UCHL5: variants seen among roughly 807,000 people sequenced by gnomAD.
The protein encoded by UCHL5 is ubiquitin C-terminal hydrolase L5, also known as ubiquitin carboxyl-terminal hydrolase isozyme L5.
UCHL5 carries 34 observed loss-of-function variants against 53.8 expected under a neutral mutation model. That is an observed-to-expected ratio of 0.63 (90% confidence interval 0.48 to 0.84). The LOEUF is 0.84. Among genes scored for constraint, UCHL5 ranks in the 40% least tolerant of loss-of-function variants. UCHL5 has a pLI of 0.00. For missense variants in UCHL5, 290 were observed against 385.6 expected (o/e 0.75, Z 2.08); for synonymous variants, 111 against 126.3 (o/e 0.88, Z 0.81).
At chr1:193,059,455 G>C (rs560261095), upstream of UCHL5, 10 of 1,609,584 alleles carry the variant, frequency 6.2e-6, no homozygotes, top group Middle Eastern at 1.7e-4. This position sits in a 1 kb window ranked among gnomAD's most constrained non-coding sequence, Gnocchi z 4.9. Flanking sequence ...AGCCACCCTA[G>C]AGACATCGAA....
intron 3 of UCHL5, among the ~76,000 whole-genome samples, chr1:193,034,920 A>C (rs1440867845): frequency 2.0e-5 from 3 of 151,968 alleles, no homozygotes; most frequent in African/African-American, 7.2e-5. Flanking sequence ...ACTAATTAAT[A>C]ACAGAACATT....
At chr1:193,018,913 T>G in intron 10 of UCHL5, 1 of 960,726 alleles carries the variant, frequency 1.0e-6, no homozygotes. Context: ...CATTAAGTAA[T>G]TAACTATCAC....
chr1:193,018,636 G>C, intron 10 of UCHL5: 1 of 1,253,344 alleles, frequency 8.0e-7, no homozygotes, highest in African/African-American at 1.6e-5. Flanking sequence ...TTATTATTTT[G>C]CAAATAAAAA....
intron 3 of UCHL5, among the ~76,000 whole-genome samples, chr1:193,039,527 C>G (rs114309796): frequency 0.012 from 1,850 of 152,256 alleles, 18 homozygotes; most frequent in South Asian, 0.034. Context: ...GATATTCCAT[C>G]CTCATGAACT....
chr1:193,060,066 A>G, upstream of UCHL5: 1 of 1,314,322 alleles, frequency 7.6e-7, no homozygotes, highest in Non-Finnish European at 1.0e-6. Flanking sequence ...CCACAGGCCG[A>G]CGTCGAGAGG....
intron 3 of UCHL5, among the ~76,000 whole-genome samples, chr1:193,032,852 G>A (rs1022236139): frequency 2.6e-5 from 4 of 152,172 alleles, no homozygotes; most frequent in African/African-American, 7.2e-5. Flanking sequence ...AGTTAGAATG[G>A]CGATCATTAA....
At chr1:193,049,640 G>A (rs966815601) in intron 3 of UCHL5, 106 bp downstream of exon 3, 3 of 751,108 alleles carry the variant, frequency 4.0e-6, no homozygotes, top group Admixed American at 3.1e-5. Context: ...TTTTAAGAGT[G>A]TAAGAGTTTG....
chr1:193,050,779 C>T (rs1266785011), intron 2 of UCHL5, among the ~76,000 whole-genome samples: 1 of 151,402 alleles, frequency 6.6e-6, no homozygotes, highest in South Asian at 2.1e-4. Flanking sequence ...GGTTTCCTAT[C>T]TTTTTATTTG....
chr1:193,046,514 T>C (rs1667366735), intron 3 of UCHL5, among the ~76,000 whole-genome samples: 1 of 152,010 alleles, frequency 6.6e-6, no homozygotes, highest in African/African-American at 2.4e-5. Flanking sequence ...ACTGACTAGC[T>C]ACATAACATG....
At chr1:193,028,310 AT>A (rs1489295700) in intron 6 of UCHL5, among the ~76,000 whole-genome samples, 162 bp from the exon 7 acceptor site, 1 of 152,124 alleles carries the variant, frequency 6.6e-6, no homozygotes, top group Non-Finnish European at 1.5e-5. Context: ...CCATAAATAA[AT>A]TTTTATAACA....
chr1:193,057,758 T>C (rs928098932), intron 1 of UCHL5, among the ~76,000 whole-genome samples: 2 of 152,250 alleles, frequency 1.3e-5, no homozygotes, highest in African/African-American at 2.4e-5. Flanking sequence ...TGCTAGCTGT[T>C]GGCTAACCCA....
At chr1:193,042,522 G>A (rs1239025645) in intron 3 of UCHL5, among the ~76,000 whole-genome samples, 1 of 152,070 alleles carries the variant, frequency 6.6e-6, no homozygotes, top group Non-Finnish European at 1.5e-5. Context: ...ATCCTCCTCC[G>A]TCCTCACATC....
chr1:193,025,456 A>G (rs769600058), intron 7 of UCHL5, among the ~76,000 whole-genome samples: 79 of 152,358 alleles, frequency 5.2e-4, no homozygotes, highest in Non-Finnish European at 1.0e-3. Flanking sequence ...ATGGGAAGCC[A>G]AAATTGTCAC....
chr1:193,059,390 C>G, upstream of UCHL5: 1 of 1,608,628 alleles, frequency 6.2e-7, no homozygotes, highest in Non-Finnish European at 8.5e-7. This position sits in a 1 kb window ranked among gnomAD's most constrained non-coding sequence, Gnocchi z 4.9. Flanking sequence ...GCCTACTTCC[C>G]GACAGCCTCC....
At chr1:193,046,633 T>A (rs1667409831) in intron 3 of UCHL5, among the ~76,000 whole-genome samples, 1 of 147,618 alleles carries the variant, frequency 6.8e-6, no homozygotes, top group East Asian at 1.9e-4. Flanking sequence ...ATTTTAAATA[T>A]TAAATATATT....
At chr1:193,059,863 C>G, upstream of UCHL5, 7 of 1,364,152 alleles carry the variant, frequency 5.1e-6, no homozygotes, top group Non-Finnish European at 6.9e-6. The surrounding 1 kb of genome is among the most constrained non-coding windows in gnomAD (Gnocchi z 4.9). Flanking sequence ...TGTCTCTCAC[C>G]CGCATCCCAG....
chr1:193,055,657 G>T (rs1371117416), intron 1 of UCHL5, among the ~76,000 whole-genome samples: 17 of 152,206 alleles, frequency 1.1e-4, no homozygotes, highest in Admixed American at 1.0e-3. Flanking sequence ...TCATGTTTTT[G>T]ATTTTTTGGC....
rs1006563492 is a variant in UCHL5 at position 193,014,026 on chromosome 1, G to A, written c.*2325C>T. The A allele has an allele frequency of 3.3e-5, 5 of 152,048 alleles. No homozygotes were observed. The highest frequency in any genetic ancestry group is 2.0e-4 in the Admixed American group (3 of 15,234). The allele number at this position is 152,048 out of a possible 1,614,324, so 9.4% of individuals were successfully genotyped here. A position where few individuals can be genotyped will look rare whatever the true frequency, so the allele number is the denominator to read the frequency against. ...TGAAGGCTTAAAATAGAATGGAAGC[G>A]ACTTCACCTACCCAATAATTAAATA... is the stretch of plus-strand genomic sequence containing the variant. On this transcript the variant is annotated 3_prime_UTR_variant, in exon 11 of 11. Transcript: ENST00000367454.
intron 9 of UCHL5, among the ~76,000 whole-genome samples, chr1:193,021,634 A>C (rs1007342608): frequency 6.6e-6 from 1 of 152,182 alleles, no homozygotes; most frequent in Admixed American, 6.5e-5. Context: ...TTTCTACTTC[A>C]GTGGAAAACT....
Sources: allele counts gnomAD v4.1 joint callset (sites outside exome capture counted in the v4.1 genomes callset), GRCh38; gene constraint gnomAD v4.1.1; non-coding constraint Gnocchi (gnomAD v3.1); transcripts MANE v1.5; gene names NCBI Gene and HGNC (gene_info 2026-07-23, HGNC 2026-07-21).